The following RNF130 variants were observed in gnomAD, a reference collection of about 807,000 sequenced individuals.
The protein encoded by RNF130 is ring finger protein 130.
A neutral mutation model predicts 44.6 loss-of-function variants in RNF130; 21 were observed. The observed-to-expected ratio is 0.47, with a 90% CI of 0.33 to 0.68. RNF130 has a LOEUF of 0.68. Among genes scored for constraint, RNF130 ranks in the 30% least tolerant of loss-of-function variants. The probability of loss-of-function intolerance (pLI) is 0.02; values close to 1 mark genes in which losing one functional copy is unlikely to be tolerated. For missense variants in RNF130, 479 were observed against 560.6 expected (o/e 0.85, Z 1.47); for synonymous variants, 214 against 210.4 (o/e 1.02, Z -0.15).
chr5:180,014,162 T>C (rs961369106), intron 2 of RNF130, among the ~76,000 whole-genome samples: 1 of 152,264 alleles, frequency 6.6e-6, no homozygotes, highest in Admixed American at 6.5e-5. Flanking sequence ...AGGACAGTCT[T>C]AAGTTGCCTT....
At chr5:180,021,630 T>C (rs879364685) in intron 2 of RNF130, among the ~76,000 whole-genome samples, 6 of 151,938 alleles carry the variant, frequency 3.9e-5, no homozygotes, top group Admixed American at 3.9e-4. Flanking sequence ...ATAATAATTA[T>C]TATTATTTAA....
intron 7 of RNF130, among the ~76,000 whole-genome samples, chr5:179,928,395 A>G (rs1035773841): frequency 2.0e-5 from 3 of 151,844 alleles, no homozygotes; most frequent in Non-Finnish European, 2.9e-5. Flanking sequence ...AGGTGTATAC[A>G]CGGCATTTCA....
chr5:180,055,440 TTGTGTGTGTGTG>T lies in RNF130; in HGVS notation c.248-14805_248-14794del, dbSNP rs1764793597. On this transcript the variant is annotated intron_variant, in intron 1 of 8. Transcript: ENST00000521389. ...TCCTCAACCTGAATGTCAGATGACT[TTGTGTGTGTGTG>T]CGTGTGTGTGTGTGTGTGCGCGCGC... Among the ~76,000 whole-genome samples, 211 of 150,776 alleles carry T rather than the reference TTGTGTGTGTGTG, an allele frequency of 1.4e-3. 1 individual carries two copies. The highest frequency in any genetic ancestry group is 5.0e-3 in the African/African-American group (204 of 40,996).
chr5:179,926,368 G>A (rs1397921801), intron 7 of RNF130, among the ~76,000 whole-genome samples: 3 of 152,110 alleles, frequency 2.0e-5, no homozygotes, highest in South Asian at 2.1e-4. Flanking sequence ...ATCTCAGGCC[G>A]GGTGCGGTGG....
chr5:179,989,140 G>C (rs920839484), intron 3 of RNF130, among the ~76,000 whole-genome samples: 3 of 152,220 alleles, frequency 2.0e-5, no homozygotes, highest in African/African-American at 4.8e-5. Context: ...GAGAATGAGT[G>C]CCAGCAGGAG....
chr5:180,028,763 G>A (rs893874042), intron 2 of RNF130, among the ~76,000 whole-genome samples: 2 of 152,022 alleles, frequency 1.3e-5, no homozygotes, highest in East Asian at 1.9e-4. Flanking sequence ...GGTATAAATC[G>A]ATACCTGTTG....
intron 3 of RNF130, among the ~76,000 whole-genome samples, chr5:180,010,303 A>G (rs1763562805): frequency 6.7e-6 from 1 of 149,840 alleles, no homozygotes; most frequent in South Asian, 2.1e-4. Flanking sequence ...TGAGTGAGGA[A>G]GTGAAGAATT....
rs75616919 is a variant in RNF130, at chr5:180,040,721, T to C, written c.248-74A>G. 1,681 of 1,377,308 alleles carry C rather than the reference T, an allele frequency of 1.2e-3. 17 individuals are homozygous for C. The African/African-American group carries it at 0.022, about 18-fold the overall frequency. 85.3% of individuals were successfully genotyped at this position (1,377,308 alleles called of 1,614,324 possible). A position where few individuals can be genotyped will look rare whatever the true frequency, so the allele number is the denominator to read the frequency against. On this transcript the variant is annotated intron_variant, in intron 1 of 8. Coordinates refer to ENST00000521389, the MANE Select transcript of RNF130 (RefSeq NM_018434.6). ...AGTCTTTATCAAAGTGTCAACTGCT[T>C]TCTGAATACCACACAGAGCTAAAGC...
At chr5:180,060,452 A>G (rs1467937913) in intron 1 of RNF130, among the ~76,000 whole-genome samples, 1 of 152,240 alleles carries the variant, frequency 6.6e-6, no homozygotes, top group Non-Finnish European at 1.5e-5. Flanking sequence ...GAAGAAACAC[A>G]TGCTAAATGC....
Position 180,067,123 on chromosome 5 carries a change from T to G in RNF130, c.247+4333A>C, listed in dbSNP as rs114503254. 1.4e-3 allele frequency among the ~76,000 whole-genome samples: 217 copies of G among 152,310 alleles called. 2 individuals are homozygous for G. Among genetic ancestry groups the G allele is most frequent in the African/African-American group, 3.7e-3 (155 of 41,576 alleles). On this transcript the variant is annotated intron_variant, in intron 1 of 8. Coordinates refer to ENST00000521389, the MANE Select transcript of RNF130 (RefSeq NM_018434.6). ...AAGTTATCTAGTCTTGAGGCCCAAA[T>G]GCAGCGCAAGATTAGACAGGGCAAG...
rs536790941 is a variant in RNF130, at chr5:179,968,137, T to C, written c.946-1127A>G. Among the ~76,000 whole-genome samples the C allele has an allele frequency of 5.1e-4, 77 of 150,686 alleles. No individual in the cohort carries two copies. In the Middle Eastern group the frequency reaches 0.028, roughly 55 times the overall value. On this transcript the variant is annotated intron_variant, in intron 6 of 8. Transcript: ENST00000521389. ...GGTGAAACCCCGTCTCTACTAACAA[T>C]ACAAAACATTAGCCGGGCATGGTGG...
chr5:179,939,616 T>A (rs1420535995), intron 7 of RNF130: 2 of 448,226 alleles, frequency 4.5e-6, no homozygotes, highest in Non-Finnish European at 8.8e-6. Flanking sequence ...GAAGTTGCCA[T>A]TCCACTACCA....
chr5:180,037,131 A>G (rs1163858441), intron 2 of RNF130, among the ~76,000 whole-genome samples: 1 of 152,244 alleles, frequency 6.6e-6, no homozygotes, highest in East Asian at 1.9e-4. Flanking sequence ...TAACTGCTGC[A>G]TAAACGTGCC....
At chr5:180,057,517 CAG>C (rs1348355918) in intron 1 of RNF130, among the ~76,000 whole-genome samples, 42 of 152,130 alleles carry the variant, frequency 2.8e-4, no homozygotes, top group Admixed American at 5.2e-4. Flanking sequence ...CACTGCGCTC[CAG>C]CCTGGGTGAC....
chr5:179,984,484 AT>A (rs1486014103), intron 3 of RNF130, among the ~76,000 whole-genome samples: 2 of 152,194 alleles, frequency 1.3e-5, no homozygotes, highest in African/African-American at 2.4e-5. Context: ...TTCGGCAAAT[AT>A]CTTTTCTCCA....
intron 4 of RNF130, among the ~76,000 whole-genome samples, chr5:179,979,222 G>T (rs544537263): frequency 6.6e-6 from 1 of 151,730 alleles, no homozygotes; most frequent in Admixed American, 6.6e-5. Flanking sequence ...AATGCAAGCC[G>T]TTTTGATGCT....
intron 5 of RNF130, among the ~76,000 whole-genome samples, chr5:179,971,150 G>A (rs1442345658): frequency 1.3e-5 from 2 of 152,110 alleles, no homozygotes; most frequent in African/African-American, 4.8e-5. Context: ...CTTGTGACTG[G>A]AAATAAGTCA....
chr5:180,046,931 A>G (rs1057398075), intron 1 of RNF130, among the ~76,000 whole-genome samples: 13 of 152,196 alleles, frequency 8.5e-5, no homozygotes, highest in Admixed American at 2.6e-4. Flanking sequence ...GTTTAACATG[A>G]TTGATGAAGG....
chr5:179,952,063 T>C (rs1329695145), downstream of RNF130, among the ~76,000 whole-genome samples: 2 of 152,106 alleles, frequency 1.3e-5, no homozygotes, highest in African/African-American at 4.8e-5. Flanking sequence ...CCAGGTGTGG[T>C]GGCTCAAGCC....
Sources: gnomAD v4.1 joint callset for allele counts (sites outside exome capture counted in the v4.1 genomes callset) on GRCh38, gnomAD v4.1.1 for gene constraint, MANE v1.5 for transcripts, NCBI Gene and HGNC (gene_info 2026-07-23, HGNC 2026-07-21) for gene names.